Variants in PCDHA3 observed in about 807,000 individuals in gnomAD.
PCDHA3 encodes the protein protocadherin alpha 3, also known as protocadherin alpha-3.
PCDHA3 carries 41 observed loss-of-function variants against 62.2 expected under a neutral mutation model. The ratio of observed to expected loss-of-function variants is 0.66; its 90% CI spans 0.51 to 0.86. The LOEUF is 0.86. PCDHA3 is among the 40% of genes least tolerant of loss of function. The pLI, the probability that PCDHA3 is intolerant of heterozygous loss-of-function variation, is 0.00. For synonymous variants in PCDHA3, 640 were observed against 555.4 expected (o/e 1.15, Z -2.14); for missense variants, 1,304 against 1,241.2 (o/e 1.05, Z -0.76).
chr5:140,906,316 A>G (rs191261196), intron 1 of PCDHA3, among the ~76,000 whole-genome samples: 377 of 152,344 alleles, frequency 2.5e-3, no homozygotes, highest in African/African-American at 8.6e-3. Flanking sequence ...TATTCCCAAC[A>G]TGATACAACT....
chr5:140,884,051 C>T (rs782045843), intron 1 of PCDHA3: 4 of 1,613,308 alleles, frequency 2.5e-6, no homozygotes, highest in Non-Finnish European at 2.5e-6. Context: ...GGCGAAGGTG[C>T]GCGCGGTGGA....
intron 1 of PCDHA3, chr5:140,807,133 T>G: frequency 2.6e-6 from 4 of 1,559,192 alleles, no homozygotes; most frequent in Non-Finnish European, 3.5e-6. Flanking sequence ...ATTAAAAGAT[T>G]TCCCTTGACT....
intron 1 of PCDHA3, chr5:140,853,641 A>G (rs1211855290): frequency 1.0e-6 from 1 of 988,686 alleles, no homozygotes; most frequent in East Asian, 1.1e-4. Context: ...ACAGACCTAA[A>G]TTGAGCCTGT....
intron 1 of PCDHA3, chr5:140,823,675 C>G (rs2150128153): frequency 3.1e-6 from 5 of 1,614,056 alleles, no homozygotes; most frequent in Non-Finnish European, 4.2e-6. Flanking sequence ...CAGCACAACA[C>G]GCTCTCTGGA....
chr5:141,001,017 A>G (rs1414857051), intron 3 of PCDHA3, among the ~76,000 whole-genome samples: 2 of 152,240 alleles, frequency 1.3e-5, no homozygotes, highest in Admixed American at 1.3e-4. Flanking sequence ...TTAGATATAC[A>G]CTTATAATAA....
chr5:140,931,304 G>C (rs1218460625), intron 1 of PCDHA3, among the ~76,000 whole-genome samples: 1 of 152,056 alleles, frequency 6.6e-6, no homozygotes, highest in African/African-American at 2.4e-5. Context: ...CAAAAAGAGA[G>C]GAGAATACCA....
rs577838197 is a variant in PCDHA3, at chr5:140,982,551, A to G, written c.2530A>G (p.Ser844Gly). 28 of 1,614,198 alleles carry G rather than the reference A, an allele frequency of 1.7e-5. No individual in the cohort carries two copies. Among genetic ancestry groups the G allele is most frequent in the South Asian group, 1.2e-4 (11 of 91,088 alleles). The change falls in exon 3 of 4, where the codon AGT (serine) becomes GGT (glycine). Residue 844 changes from serine (S) to glycine (G), a missense_variant. Coordinates refer to ENST00000522353, the MANE Select transcript of PCDHA3 (RefSeq NM_018906.3). ...GPDQQWPTVS[S>G]ATPEPEAGEV... is the part of the protein sequence containing the mutation. ...TGATCAGCAGTGGCCAACAGTATCC[A>G]GTGCAACACCAGGTAAAGAGCTGGG... is the stretch of plus-strand genomic sequence containing the variant.
intron 1 of PCDHA3, among the ~76,000 whole-genome samples, chr5:140,846,373 C>CTTTTTTTTTTTTTTTTT (rs374699051): frequency 1.8e-5 from 1 of 55,150 alleles, no homozygotes. Flanking sequence ...TTCTTTCTTT[C>CTTTTTTTTTTTTTTTTT]TTTTTTTTTT....
rs1554148991 is a variant in PCDHA3, at chr5:140,856,698, G to A, written c.2394+53107G>A. ...TTGTTGTTGACAGCAACTGATGGAG[G>A]CAAACCTGAATTTACCGGATCTGTT... On this transcript the variant is annotated intron_variant, in intron 1 of 3. Transcript: ENST00000522353. 3.8e-6 allele frequency: 6 copies of A among 1,596,626 alleles called. 1 individual carries two copies. In the African/African-American group the frequency reaches 8.1e-5, roughly 21 times the overall value.
chr5:140,875,873 G>C (rs1554168013), intron 1 of PCDHA3: 2 of 1,614,214 alleles, frequency 1.2e-6, no homozygotes, highest in South Asian at 1.1e-5. Context: ...CCGGTGTTCA[G>C]AGAAAGGGAA....
At chr5:140,814,487 A>G (rs1765528526) in intron 1 of PCDHA3, 1 of 151,810 alleles carries the variant, frequency 6.6e-6, no homozygotes, top group Non-Finnish European at 1.5e-5. Flanking sequence ...TTATAAGTAG[A>G]AAGAGTACAC....
intron 1 of PCDHA3, among the ~76,000 whole-genome samples, chr5:140,879,733 A>G (rs1213918807): frequency 6.6e-6 from 1 of 152,218 alleles, no homozygotes; most frequent in African/African-American, 2.4e-5. Flanking sequence ...GTCCAAAATC[A>G]AGGTGTTGTC....
intron 1 of PCDHA3, among the ~76,000 whole-genome samples, chr5:140,855,480 A>G (rs567213059): frequency 6.7e-6 from 1 of 149,976 alleles, no homozygotes; most frequent in South Asian, 2.1e-4. Context: ...GATGCTTGAC[A>G]TTAGTGTCTA....
At chr5:140,912,243 AATCTCCTTTGATGAC>A (rs2075829981) in intron 1 of PCDHA3, among the ~76,000 whole-genome samples, 1 of 152,012 alleles carries the variant, frequency 6.6e-6, no homozygotes, top group Admixed American at 6.6e-5. Context: ...CTCAAATGTT[AATCTCCTTTGATGAC>A]ACCCTCACAG....
At chr5:140,840,534 A>G (rs1554137817) in intron 1 of PCDHA3, among the ~76,000 whole-genome samples, 1 of 152,088 alleles carries the variant, frequency 6.6e-6, no homozygotes, top group East Asian at 1.9e-4. Flanking sequence ...TGAAGAACTA[A>G]CAAGCCAATG....
intron 1 of PCDHA3, chr5:140,829,365 T>C: frequency 6.2e-7 from 1 of 1,614,230 alleles, no homozygotes; most frequent in Non-Finnish European, 8.5e-7. Context: ...GAGTTGGTGG[T>C]AACCGCGCGG....
intron 1 of PCDHA3, chr5:140,967,716 T>C: frequency 1.2e-6 from 2 of 1,613,914 alleles, no homozygotes; most frequent in Non-Finnish European, 1.7e-6. Context: ...ACCGGGGAAG[T>C]GCGAGTAATT....
chr5:140,904,365 A>G (rs1036617665), intron 1 of PCDHA3, among the ~76,000 whole-genome samples: 2 of 151,790 alleles, frequency 1.3e-5, no homozygotes, highest in African/African-American at 4.8e-5. Context: ...CCATTATTTC[A>G]TTCCTTTTTA....
intron 1 of PCDHA3, among the ~76,000 whole-genome samples, chr5:140,895,416 C>A (rs2065002617): frequency 6.6e-6 from 1 of 152,168 alleles, no homozygotes; most frequent in South Asian, 2.1e-4. Context: ...CCATAACCTT[C>A]TTTTGCTTCC....
Sources: allele counts gnomAD v4.1 joint callset (sites outside exome capture counted in the v4.1 genomes callset), GRCh38; gene constraint gnomAD v4.1.1; transcripts MANE v1.5; gene names NCBI Gene and HGNC (gene_info 2026-07-23, HGNC 2026-07-21).